Variants in BCKDHA observed in about 807,000 individuals in gnomAD.
BCKDHA encodes 2-oxoisovalerate dehydrogenase subunit alpha, mitochondrial.
Under a neutral mutation model 52.2 loss-of-function variants are expected in BCKDHA, and 43 were observed. That is an observed-to-expected ratio of 0.82 (90% confidence interval 0.64 to 1.06). The LOEUF (loss-of-function observed/expected upper bound fraction) is 1.06, where lower values mean the gene tolerates loss of function less well. Ranked by LOEUF, BCKDHA falls within the 50% of genes least tolerant of loss-of-function variation. The pLI is 0.00. For missense variants in BCKDHA, 527 were observed against 621.3 expected (o/e 0.85, Z 1.61); for synonymous variants, 234 against 247.9 (o/e 0.94, Z 0.53).
At chr19:41,415,764 T>G (rs1196445075) in intron 4 of BCKDHA, among the ~76,000 whole-genome samples, 2 of 151,946 alleles carry the variant, frequency 1.3e-5, no homozygotes, top group Non-Finnish European at 2.9e-5. Flanking sequence ...TTCTCCTGCT[T>G]CAGCCTCCCG....
rs2039411207 is a variant in BCKDHA, at chr19:41,424,870, G to A, written c.*262G>A. 2.2e-6 allele frequency: 1 copy of A among 455,394 alleles called. No homozygotes were observed. Among genetic ancestry groups the A allele is most frequent in the South Asian group, 3.4e-5 (1 of 29,422 alleles). The allele number at this position is 455,394 out of a possible 1,614,324, so 28.2% of individuals were successfully genotyped here. On this transcript the variant is annotated 3_prime_UTR_variant, in exon 9 of 9. Coordinates refer to ENST00000269980, the MANE Select transcript of BCKDHA (RefSeq NM_000709.4). ...TACAGTGCCTTCTCCCAGGGGCTGG[G>A]TGAGGGCACATTCAGGACTAGAAGC...
intron 3 of BCKDHA, among the ~76,000 whole-genome samples, chr19:41,413,426 A>G (rs2039277223): frequency 6.6e-6 from 1 of 152,062 alleles, no homozygotes; most frequent in Non-Finnish European, 1.5e-5. Flanking sequence ...CAGCCGACTC[A>G]GCTTCCTCAG....
chr19:41,408,034 C>T lies in BCKDHA; in HGVS notation c.109-2603C>T, dbSNP rs140088377. ...GCAGTGGCACAGTCTCAGCTCACTA[C>T]AGCCTCATCCTTCCAGGTTCAAGCA... On this transcript the variant is annotated intron_variant, in intron 1 of 8. Coordinates refer to ENST00000269980, the MANE Select transcript of BCKDHA (RefSeq NM_000709.4). 1.9e-3 allele frequency among the ~76,000 whole-genome samples: 294 copies of T among 150,922 alleles called. 1 individual carries two copies. The highest frequency in any genetic ancestry group is 6.9e-3 in the African/African-American group (284 of 41,238).
At chr19:41,401,370 C>G (rs1334045698) in intron 1 of BCKDHA, among the ~76,000 whole-genome samples, 2 of 152,126 alleles carry the variant, frequency 1.3e-5, no homozygotes, top group Non-Finnish European at 2.9e-5. Flanking sequence ...GCCACCATGC[C>G]TGGCTAAGAT....
intron 3 of BCKDHA, among the ~76,000 whole-genome samples, chr19:41,412,304 C>G (rs75448330): frequency 4.6e-4 from 70 of 151,996 alleles, no homozygotes; most frequent in African/African-American, 1.6e-3. Flanking sequence ...CACCAGAAAC[C>G]TCATCTCATC....
At position 41,422,770 on chromosome 19, in the gene BCKDHA, G is replaced by A; in HGVS notation, c.995G>A (p.Arg332Lys). 6.2e-7 allele frequency: 1 copy of A among 1,613,024 alleles called. No homozygotes were observed. The highest frequency in any genetic ancestry group is 8.5e-7 in the Non-Finnish European group (1 of 1,180,012). ...QPFLIEAMTYRIGHHSTSDDS... is the reference protein window; with the variant it reads ...QPFLIEAMTYKIGHHSTSDDS... ...TTCCTCATCGAGGCCATGACCTACA[G>A]GTGCCTGCCGCTCCCCCCGTCAGCA... The change falls in exon 7 of 9, where the codon AGG (arginine) becomes AAG (lysine). Residue 332 changes from arginine to lysine, a missense_variant and splice_region_variant. By Grantham distance (26) the Arg-to-Lys change is conservative (BLOSUM62 2). Coordinates refer to ENST00000269980, the MANE Select transcript of BCKDHA (RefSeq NM_000709.4).
intron 5 of BCKDHA, among the ~76,000 whole-genome samples, 168 bp downstream of exon 5, chr19:41,419,464 C>T (rs898456781): frequency 3.9e-5 from 6 of 152,104 alleles, no homozygotes; most frequent in African/African-American, 9.7e-5. Context: ...TTTTTTGAGA[C>T]GGAGTCTTGC....
Position 41,416,842 on chromosome 19 carries a change from C to T in BCKDHA, c.485-2293C>T, listed in dbSNP as rs141758788. On this transcript the variant is annotated intron_variant, in intron 4 of 8. Transcript: ENST00000269980. Reference sequence around the variant, plus strand: ...GCTGAGTGGGAGGATTGCTTGAGCCCAGAGGTTCAAGACTGCAGTGAGCTA... The same window carrying T: ...GCTGAGTGGGAGGATTGCTTGAGCCTAGAGGTTCAAGACTGCAGTGAGCTA... Among the ~76,000 whole-genome samples, 111 of 152,166 alleles carry T rather than the reference C, an allele frequency of 7.3e-4. 1 individual carries two copies. The highest frequency in any genetic ancestry group is 2.6e-3 in the African/African-American group (108 of 41,542).
At chr19:41,412,625 G>C (rs2039268963) in intron 3 of BCKDHA, among the ~76,000 whole-genome samples, 1 of 151,800 alleles carries the variant, frequency 6.6e-6, no homozygotes, top group South Asian at 2.1e-4. Context: ...TGATCTGCCT[G>C]CCTTGGCCTC....
chr19:41,422,771 G>A lies in BCKDHA; in HGVS notation c.995+1G>A. ...TCCTCATCGAGGCCATGACCTACAG[G>A]TGCCTGCCGCTCCCCCCGTCAGCAC... is the stretch of plus-strand genomic sequence containing the variant. On this transcript the variant is annotated splice_donor_variant, in intron 7 of 8. Coordinates refer to ENST00000269980, the MANE Select transcript of BCKDHA (RefSeq NM_000709.4). LOFTEE classifies it high-confidence loss of function. 3 of 1,612,976 alleles carry A rather than the reference G, an allele frequency of 1.9e-6. No homozygotes were observed. Among genetic ancestry groups the A allele is most frequent in the Non-Finnish European group, 2.5e-6 (3 of 1,179,994 alleles).
intron 3 of BCKDHA, among the ~76,000 whole-genome samples, chr19:41,411,690 T>TC (rs2039255302): frequency 6.6e-6 from 1 of 152,122 alleles, no homozygotes; most frequent in Non-Finnish European, 1.5e-5. Context: ...AATACTTTAG[T>TC]CCCGGCAGTT....
chr19:41,423,663 C>T (rs988590968), intron 8 of BCKDHA, among the ~76,000 whole-genome samples: 3 of 152,228 alleles, frequency 2.0e-5, no homozygotes, highest in Non-Finnish European at 4.4e-5. Context: ...GAAACCTCGT[C>T]TCTAATAAAA....
chr19:41,421,346 A>G (rs1257839870), intron 5 of BCKDHA, among the ~76,000 whole-genome samples: 1 of 151,958 alleles, frequency 6.6e-6, no homozygotes, highest in Non-Finnish European at 1.5e-5. Flanking sequence ...CCTGGAGTAT[A>G]TGAGGGTGGG....
chr19:41,407,161 C>G (rs1269069233), intron 1 of BCKDHA, among the ~76,000 whole-genome samples: 2 of 152,160 alleles, frequency 1.3e-5, no homozygotes, highest in Admixed American at 1.3e-4. Context: ...CTCTCTCTTA[C>G]CAAGTTTTGA....
In BCKDHA at chr19:41,398,580, C is replaced by G. The variant is rs539905303; in HGVS notation, c.108+645C>G. 2.6e-5 allele frequency among the ~76,000 whole-genome samples: 4 copies of G among 152,282 alleles called. No individual in the cohort carries two copies. The East Asian group carries it at 7.7e-4, about 29-fold the overall frequency. On this transcript the variant is annotated intron_variant, in intron 1 of 8. Transcript: ENST00000269980. ...AAAAAAGGAGGGAGAGAGGTACAGACAGGGCACTTTGCCCACATTTCTTAG... is the reference window on the plus strand; with the variant it reads ...AAAAAAGGAGGGAGAGAGGTACAGAGAGGGCACTTTGCCCACATTTCTTAG...
At chr19:41,411,335 C>T (rs923818339) in intron 3 of BCKDHA, among the ~76,000 whole-genome samples, 1 of 152,150 alleles carries the variant, frequency 6.6e-6, no homozygotes, top group African/African-American at 2.4e-5. Context: ...CCCAGTGCTT[C>T]CTGGAGTGCT....
intron 3 of BCKDHA, among the ~76,000 whole-genome samples, chr19:41,413,775 C>A (rs950168992): frequency 6.6e-6 from 1 of 152,202 alleles, no homozygotes; most frequent in Non-Finnish European, 1.5e-5. Context: ...CCACCCACCC[C>A]ATCTTTGCGC....
chr19:41,422,567 T>A, intron 6 of BCKDHA, 62 bp from the exon 7 acceptor site: 1 of 1,609,672 alleles, frequency 6.2e-7, no homozygotes, highest in South Asian at 1.1e-5. Flanking sequence ...CTCGTCCCCT[T>A]GGCCTCGTGC....
chr19:41,420,185 C>T (rs551318010), intron 5 of BCKDHA, among the ~76,000 whole-genome samples: 1 of 152,310 alleles, frequency 6.6e-6, no homozygotes, highest in East Asian at 1.9e-4. Flanking sequence ...ATTTCCCAAC[C>T]ACATGCCTAC....
Sources: gnomAD v4.1 joint callset for allele counts (sites outside exome capture counted in the v4.1 genomes callset) on GRCh38, gnomAD v4.1.1 for gene constraint, MANE v1.5 for transcripts, NCBI Gene and HGNC (gene_info 2026-07-23, HGNC 2026-07-21) for gene names.